The following RNF139 variants were observed in gnomAD, a reference collection of about 807,000 sequenced individuals.
RNF139 encodes the protein ring finger protein 139.
A neutral mutation model predicts 49.5 loss-of-function variants in RNF139; 15 were observed. The ratio of observed to expected loss-of-function variants is 0.30; its 90% CI spans 0.20 to 0.47. The LOEUF is 0.47. RNF139 is among the 20% of genes least tolerant of loss of function. The pLI, the probability that RNF139 is intolerant of heterozygous loss-of-function variation, is 1.00. For synonymous variants in RNF139, 325 were observed against 300.9 expected, an observed-to-expected ratio of 1.08 and a Z score of -0.83; for missense variants, 619 against 806.3, an observed-to-expected ratio of 0.77 and a Z score of 2.81.
chr8:124,483,252 T>C (rs538441175), intron 1 of RNF139: 1 of 147,386 alleles, frequency 6.8e-6, no homozygotes, highest in Non-Finnish European at 1.5e-5. Flanking sequence ...TTGTTTTCCT[T>C]TTCACAGATG....
rs1232190929 is a variant in RNF139 at position 124,488,360 on chromosome 8, G to A, written c.*716G>A. ...AAAATTGTCCTTTCATTCTTTTGAAGATATTACAAAACAAAAATAGTTTTT... is the reference window on the plus strand; with the variant it reads ...AAAATTGTCCTTTCATTCTTTTGAAAATATTACAAAACAAAAATAGTTTTT... On this transcript the variant is annotated 3_prime_UTR_variant, in exon 2 of 2. Transcript: ENST00000303545. The A allele has an allele frequency of 3.4e-6, 1 of 297,120 alleles. No homozygotes were observed. The highest frequency in any genetic ancestry group is 6.8e-5 in the East Asian group (1 of 14,736). The allele number at this position is 297,120 out of a possible 1,614,324, so 18.4% of individuals were successfully genotyped here. A position where few individuals can be genotyped will look rare whatever the true frequency, so the allele number is the denominator to read the frequency against.
Position 124,486,700 on chromosome 8 carries a change from C to T in RNF139, c.1051C>T (p.Arg351Cys). Residue 351 changes from arginine to cysteine, a missense_variant, in exon 2 of 2, where the codon CGC becomes TGC. By Grantham distance (180) the Arg-to-Cys change is radical. Coordinates refer to ENST00000303545, the MANE Select transcript of RNF139 (RefSeq NM_007218.4). ...SGLRPEERLI[R>C]LSRNMCLLLT... ...GCTAAGACCAGAAGAGAGACTTATT[C>T]GCTTAAGTAGAAACATGTGCCTTTT... The T allele has an allele frequency of 1.2e-6, 2 of 1,614,062 alleles. No homozygotes were observed. The highest frequency in any genetic ancestry group is 2.2e-5 in the East Asian group (1 of 44,876).
intron 1 of RNF139, among the ~76,000 whole-genome samples, chr8:124,475,807 T>C (rs963217446): frequency 2.0e-5 from 3 of 152,172 alleles, no homozygotes; most frequent in African/African-American, 2.4e-5. Context: ...GGGTTTTGAA[T>C]GTCAGACCTT....
At position 124,475,232 on chromosome 8, in the gene RNF139, C is replaced by T; in HGVS notation, c.123C>T (p.Tyr41=). 1.2e-6 allele frequency: 2 copies of T among 1,613,614 alleles called. No homozygotes were observed. Among genetic ancestry groups the T allele is most frequent in the Non-Finnish European group, 1.7e-6 (2 of 1,179,738 alleles). Residue 41 remains tyrosine (Y), a synonymous_variant, in exon 1 of 2, where the codon TAC becomes TAT. Coordinates refer to ENST00000303545, the MANE Select transcript of RNF139 (RefSeq NM_007218.4). ...TCATCGACGCCATCTTCAACTCCTA[C>T]CCGGATTCCAGCCAAAGCCGGTTCT... The part of the protein sequence containing the change: ...LYIIDAIFNS[Y]PDSSQSRFCI...
intron 1 of RNF139, among the ~76,000 whole-genome samples, chr8:124,480,149 A>T (rs1424418307): frequency 6.6e-6 from 1 of 151,864 alleles, no homozygotes; most frequent in East Asian, 2.0e-4. Flanking sequence ...TAAAAAAAAA[A>T]AATAGTCATT....
At position 124,475,084 on chromosome 8, in the gene RNF139, A is replaced by G. The variant is rs933036905; in HGVS notation, c.-26A>G. ...TGCCCCGCGCGGCCCTGCCCGGCCC[A>G]CCGAGCCCTGGTGTGGCAGCGGCTC... On this transcript the variant is annotated 5_prime_UTR_variant, in exon 1 of 2. Transcript: ENST00000303545. 4.7e-6 allele frequency: 7 copies of G among 1,501,792 alleles called. No individual in the cohort carries two copies. Among genetic ancestry groups the G allele is most frequent in the Admixed American group, 2.2e-5 (1 of 46,350 alleles). 93.0% of individuals were successfully genotyped at this position (1,501,792 alleles called of 1,614,324 possible). A position where few individuals can be genotyped will look rare whatever the true frequency, so the allele number is the denominator to read the frequency against.
In RNF139 at chr8:124,484,892, G is replaced by A. The variant is rs114484455; in HGVS notation, c.182-939G>A. Among the ~76,000 whole-genome samples, 613 of 152,186 alleles carry A rather than the reference G, an allele frequency of 4.0e-3. 5 individuals are homozygous for A. Among genetic ancestry groups the A allele is most frequent in the African/African-American group, 0.014 (576 of 41,520 alleles). ...ACAGGAAAAAGGGAACTTGGAAGAT[G>A]TTTCTAAGTCCGAAGGAAACTAGGA... On this transcript the variant is annotated intron_variant, in intron 1 of 1. Coordinates refer to ENST00000303545, the MANE Select transcript of RNF139 (RefSeq NM_007218.4).
chr8:124,488,488 A>T lies in RNF139; in HGVS notation c.*844A>T, dbSNP rs1185933388. ...GGTGGGGAATGGTGTGTACCGATAT[A>T]TAGTATTTCTTTAGACAACTTGCAG... On this transcript the variant is annotated 3_prime_UTR_variant, in exon 2 of 2. Coordinates refer to ENST00000303545, the MANE Select transcript of RNF139 (RefSeq NM_007218.4). 1.6e-6 allele frequency: 1 copy of T among 630,246 alleles called. No homozygotes were observed. The highest frequency in any genetic ancestry group is 3.1e-5 in the Admixed American group (1 of 32,590). The allele number at this position is 630,246 out of a possible 1,614,324, so 39.0% of individuals were successfully genotyped here. A position where few individuals can be genotyped will look rare whatever the true frequency, so the allele number is the denominator to read the frequency against.
chr8:124,486,643 T>C lies in RNF139; in HGVS notation c.994T>C (p.Phe332Leu), dbSNP rs1312550557. ...RLGFVAPVLF[F>L]ILALQTGLSG... The stretch of plus-strand genomic sequence containing the variant: ...TGGCTTTGTTGCACCTGTTTTATTT[T>C]TTATTTTGGCTCTTCAGACTGGGTT... Residue 332 changes from phenylalanine (F) to leucine (L), a missense_variant, in exon 2 of 2, where the codon TTT becomes CTT. Phe to Leu is a conservative substitution (Grantham distance 22). This residue lies in a region of RNF139 where 530 missense variants were observed against 728.9 expected (regional missense o/e 0.73). Transcript: ENST00000303545. 1 of 1,614,150 alleles carries C rather than the reference T, an allele frequency of 6.2e-7. No individual in the cohort carries two copies. Among genetic ancestry groups the C allele is most frequent in the African/African-American group, 1.3e-5 (1 of 75,024 alleles).
intron 1 of RNF139, among the ~76,000 whole-genome samples, chr8:124,480,770 C>G (rs1201147639): frequency 6.6e-6 from 1 of 152,146 alleles, no homozygotes; most frequent in Non-Finnish European, 1.5e-5. Flanking sequence ...TGGGCTGATT[C>G]CCCTGGCTAC....
Position 124,487,243 on chromosome 8 carries a change from C to A in RNF139, c.1594C>A (p.Leu532Ile). 6.2e-7 allele frequency: 1 copy of A among 1,613,836 alleles called. No individual in the cohort carries two copies. Among genetic ancestry groups the A allele is most frequent in the Non-Finnish European group, 8.5e-7 (1 of 1,179,938 alleles). Reference protein sequence around the residue: ...RRTAVKKINSLPEIKGSRLQE... With the variant: ...RRTAVKKINSIPEIKGSRLQE... ...GACTGCTGTGAAGAAAATTAATTCA[C>A]TTCCTGAAATAAAAGGGAGCCGCTT... Residue 532 changes from leucine (L) to isoleucine (I), a missense_variant, in exon 2 of 2, where the codon CTT (leucine) becomes ATT (isoleucine). Around this residue, in one of 2 missense-constraint regions of RNF139, gnomAD observed 530 missense variants for 728.9 expected, o/e 0.73. Transcript: ENST00000303545.
Position 124,481,406 on chromosome 8 carries a change from G to C in RNF139, c.182-4425G>C, listed in dbSNP as rs113977061. ...TCATAAGTTTCCAAAAGAGGGTAAG[G>C]GTATGAATAGACTTTACACATAAAA... is the stretch of plus-strand genomic sequence containing the variant. On this transcript the variant is annotated intron_variant, in intron 1 of 1. Transcript: ENST00000303545. 7.2e-3 allele frequency among the ~76,000 whole-genome samples: 1,100 copies of C among 152,130 alleles called. 13 individuals carry two copies. The highest frequency in any genetic ancestry group is 0.026 in the African/African-American group (1,058 of 41,462).
chr8:124,484,251 C>T, intron 1 of RNF139, among the ~76,000 whole-genome samples: 1 of 152,108 alleles, frequency 6.6e-6, no homozygotes, highest in East Asian at 1.9e-4. Context: ...AGGAATATTA[C>T]TGTAAAGCAA....
intron 1 of RNF139, among the ~76,000 whole-genome samples, chr8:124,479,755 T>C (rs1251811846): frequency 1.3e-5 from 2 of 152,120 alleles, no homozygotes; most frequent in Non-Finnish European, 1.5e-5. Context: ...TTATTTATAA[T>C]TACATAGCCC....
At chr8:124,478,879 C>G (rs1011557307) in intron 1 of RNF139, among the ~76,000 whole-genome samples, 1 of 149,844 alleles carries the variant, frequency 6.7e-6, no homozygotes, top group Non-Finnish European at 1.5e-5. Context: ...AGCGCCACCA[C>G]CCCCGGCAAA....
chr8:124,478,290 G>GA lies in RNF139; in HGVS notation c.181+3010dup, dbSNP rs796337797. ...CCTGCAGTAGCTTGATTTTATGGGG[G>GA]AAAAAAAAAAGTACCTAGCCTTGTT... On this transcript the variant is annotated intron_variant, in intron 1 of 1. Coordinates refer to ENST00000303545, the MANE Select transcript of RNF139 (RefSeq NM_007218.4). Among the ~76,000 whole-genome samples, 279 of 149,460 alleles carry GA rather than the reference G, an allele frequency of 1.9e-3. 1 individual carries two copies. The highest frequency in any genetic ancestry group is 6.0e-3 in the African/African-American group (243 of 40,802).
intron 1 of RNF139, among the ~76,000 whole-genome samples, chr8:124,478,671 T>C (rs1816351738): frequency 6.6e-6 from 1 of 151,976 alleles, no homozygotes; most frequent in African/African-American, 2.4e-5. Flanking sequence ...TTATTAGTTT[T>C]GCAAAGGTAT....
At position 124,486,245 on chromosome 8, in the gene RNF139, A is replaced by C; in HGVS notation, c.596A>C (p.Lys199Thr). ...GTGTTTGTCCTGGCAGTGAAACTGA[A>C]GTGGTTTTATTATTCCACACGATAT... ...NTVFVLAVKLKWFYYSTRYVY... is the reference protein window; with the variant it reads ...NTVFVLAVKLTWFYYSTRYVY... The change falls in exon 2 of 2, where the codon AAG becomes ACG. Residue 199 changes from lysine (K) to threonine (T), a missense_variant. By Grantham distance (78) the Lys-to-Thr change is moderately conservative (BLOSUM62 -1). Around this residue, in one of 2 missense-constraint regions of RNF139, gnomAD observed 530 missense variants for 728.9 expected, o/e 0.73. Transcript: ENST00000303545. The C allele has an allele frequency of 6.2e-7, 1 of 1,614,138 alleles. No homozygotes were observed.
chr8:124,480,219 T>C (rs1168123875), intron 1 of RNF139, among the ~76,000 whole-genome samples: 1 of 151,796 alleles, frequency 6.6e-6, no homozygotes, highest in Non-Finnish European at 1.5e-5. Context: ...TTTAAATTTT[T>C]AGAAAAAAAT....
Sources: gnomAD v4.1 joint callset for allele counts (sites outside exome capture counted in the v4.1 genomes callset) on GRCh38, gnomAD v4.1.1 for gene constraint, gnomAD v4.1.1 regional missense constraint, MANE v1.5 for transcripts, NCBI Gene and HGNC (gene_info 2026-07-23, HGNC 2026-07-21) for gene names.